Variants in CELF2 observed in about 807,000 individuals in gnomAD.
The protein encoded by CELF2 is CUGBP Elav-like family member 2.
Under a neutral mutation model 62.6 loss-of-function variants are expected in CELF2, and 8 were observed. The observed-to-expected ratio is 0.13, with a 90% CI of 0.07 to 0.23. The LOEUF (loss-of-function observed/expected upper bound fraction) is 0.23, where lower values mean the gene tolerates loss of function less well. Among genes scored for constraint, CELF2 ranks in the 10% least tolerant of loss-of-function variants. The probability of loss-of-function intolerance (pLI) is 1.00; values close to 1 mark genes in which losing one functional copy is unlikely to be tolerated. For missense variants in CELF2, 333 were observed against 671.0 expected (o/e 0.50, Z 5.56); for synonymous variants, 258 against 250.0 (o/e 1.03, Z -0.30).
At chr10:10,619,546 T>C in the CELF2 span, among the ~76,000 whole-genome samples, 1 of 152,180 alleles carries the variant, frequency 6.6e-6, no homozygotes, top group African/African-American at 2.4e-5. Context: ...TGGAGGTCTT[T>C]GGGTAGAGCG....
At chr10:11,124,983 C>A (rs1261596552) in intron 1 of CELF2, among the ~76,000 whole-genome samples, 5 of 152,172 alleles carry the variant, frequency 3.3e-5, no homozygotes, top group Non-Finnish European at 5.9e-5. Context: ...TACAAACAGG[C>A]ATAAGGCAAA....
At chr10:11,063,611 A>G (rs920501131) in intron 1 of CELF2, among the ~76,000 whole-genome samples, 1 of 152,270 alleles carries the variant, frequency 6.6e-6, no homozygotes, top group African/African-American at 2.4e-5. Context: ...TTTAAATGTG[A>G]AATCTAAATA....
chr10:11,160,308 G>A (rs11814222), intron 1 of CELF2, among the ~76,000 whole-genome samples: 8,399 of 152,198 alleles, frequency 0.055, 334 homozygotes, highest in African/African-American at 0.1. Context: ...GAGCCAGGAT[G>A]AGAACTCAGG....
intron 1 of CELF2, among the ~76,000 whole-genome samples, chr10:10,912,217 A>G (rs2063874600): frequency 1.3e-5 from 2 of 152,222 alleles, no homozygotes; most frequent in African/African-American, 4.8e-5. Context: ...GAGGTCTCCC[A>G]GGACCACCCT....
rs2135139500 is a variant in CELF2 at position 10,931,155 on chromosome 10, T to A, written c.89+11156T>A. 1.3e-5 allele frequency among the ~76,000 whole-genome samples: 2 copies of A among 152,364 alleles called. No individual in the cohort carries two copies. Among genetic ancestry groups the A allele is most frequent in the Middle Eastern group, 6.8e-3 (2 of 294 alleles). On this transcript the variant is annotated intron_variant, in intron 2 of 13. Transcript: ENST00000636488. The surrounding 1 kb of genome is among the most constrained non-coding windows in gnomAD (Gnocchi z 6.1). Reference sequence around the variant, plus strand: ...AATGTTTCTATTATGTATTTTCCTTTTCCTTCTTTCTGGCGAATACGCAGT... The same window carrying A: ...AATGTTTCTATTATGTATTTTCCTTATCCTTCTTTCTGGCGAATACGCAGT...
rs2096069830 is a variant in CELF2, at chr10:11,333,659, C to CCTTTTGTTT, written c.*4606_*4607insCTTTTGTTT. ...GAATTGATGTTTGTAGATTAATAATCATTTTGTTTAGAATTACAAAATAGT... is the reference window on the plus strand; with the variant it reads ...GAATTGATGTTTGTAGATTAATAATCCTTTTGTTTATTTTGTTTAGAATTACAAAATAGT... On this transcript the variant is annotated 3_prime_UTR_variant, in exon 13 of 13. Coordinates refer to ENST00000633077, the MANE Select transcript of CELF2 (RefSeq NM_001326342.2). 6.6e-6 allele frequency: 1 copy of CCTTTTGTTT among 152,336 alleles called. No individual in the cohort carries two copies. The highest frequency in any genetic ancestry group is 2.4e-5 in the African/African-American group (1 of 41,384). 9.4% of individuals were successfully genotyped at this position (152,336 alleles called of 1,614,324 possible).
At chr10:11,226,232 G>A (rs1192121298) in intron 3 of CELF2, among the ~76,000 whole-genome samples, 1 of 152,226 alleles carries the variant, frequency 6.6e-6, no homozygotes, top group African/African-American at 2.4e-5. Flanking sequence ...TACTGACAAG[G>A]AAGCTGAAAC....
chr10:11,003,197 A>G (rs551587774), upstream of CELF2, among the ~76,000 whole-genome samples: 68 of 152,316 alleles, frequency 4.5e-4, no homozygotes, highest in African/African-American at 1.5e-3. This position sits in a 1 kb window ranked among gnomAD's most constrained non-coding sequence, Gnocchi z 4.4. Context: ...TCCGTAGACT[A>G]AAAAGGAAGT....
intron 1 of CELF2, among the ~76,000 whole-genome samples, chr10:10,881,302 A>G (rs1326726738): frequency 6.6e-6 from 1 of 152,226 alleles, no homozygotes; most frequent in African/African-American, 2.4e-5. Flanking sequence ...AGCAAGACTT[A>G]CAGTTGCCTT....
At chr10:10,892,249 A>T (rs2062196441) in intron 1 of CELF2, among the ~76,000 whole-genome samples, 1 of 152,150 alleles carries the variant, frequency 6.6e-6, no homozygotes, top group Admixed American at 6.5e-5. Flanking sequence ...TCAGGGTCAC[A>T]ATCAGGTTTA....
chr10:11,015,816 T>C (rs2057175083), upstream of CELF2, among the ~76,000 whole-genome samples: 1 of 152,194 alleles, frequency 6.6e-6, no homozygotes, highest in Admixed American at 6.5e-5. The surrounding 1 kb of genome is among the most constrained non-coding windows in gnomAD (Gnocchi z 4.8). Context: ...AAGGCTTAAG[T>C]CAGTAAGAGG....
the CELF2 span, among the ~76,000 whole-genome samples, chr10:10,726,116 C>T: frequency 1.3e-5 from 2 of 152,172 alleles, no homozygotes; most frequent in South Asian, 4.1e-4. Context: ...TGTCCCTCCT[C>T]ATGGGGACAC....
rs141088735 is a variant in CELF2, at chr10:10,949,432, C to G, written c.89+29433C>G. Among the ~76,000 whole-genome samples, 1,009 of 152,182 alleles carry G rather than the reference C, an allele frequency of 6.6e-3. 8 individuals are homozygous for G. The highest frequency in any genetic ancestry group is 0.011 in the Non-Finnish European group (743 of 67,996). ...CAGTGCCATGGTGGAGGCCATCATGCCGCAGAGGAGGGTGGCAGAAGCTTC... is the reference window on the plus strand; with the variant it reads ...CAGTGCCATGGTGGAGGCCATCATGGCGCAGAGGAGGGTGGCAGAAGCTTC... On this transcript the variant is annotated intron_variant, in intron 2 of 13. Coordinates refer to the CELF2 transcript ENST00000636488.
At chr10:11,169,626 C>T (rs947198539) in intron 2 of CELF2, among the ~76,000 whole-genome samples, 8 of 152,216 alleles carry the variant, frequency 5.3e-5, no homozygotes, top group African/African-American at 1.9e-4. Context: ...GCAAGCCTTC[C>T]TTCCCAGGCT....
chr10:11,232,381 C>T (rs1051480217), intron 3 of CELF2, among the ~76,000 whole-genome samples: 1 of 152,150 alleles, frequency 6.6e-6, no homozygotes, highest in Non-Finnish European at 1.5e-5. Flanking sequence ...TCATCAGTGA[C>T]AACTTTGTCT....
At chr10:10,478,760 C>T in the CELF2 span, among the ~76,000 whole-genome samples, 88,555 of 152,002 alleles carry the variant, frequency 0.58, 25,896 homozygotes, top group Admixed American at 0.65. Context: ...GCCCCAGACA[C>T]TTTTGGAAGC....
the CELF2 span, among the ~76,000 whole-genome samples, chr10:10,609,272 T>G: frequency 5.2e-4 from 79 of 152,306 alleles, no homozygotes; most frequent in African/African-American, 1.9e-3. Flanking sequence ...CAATAAACAT[T>G]CTGCTTTGCT....
intron 9 of CELF2, among the ~76,000 whole-genome samples, chr10:11,313,527 C>G (rs545704506): frequency 6.6e-6 from 1 of 152,318 alleles, no homozygotes; most frequent in African/African-American, 2.4e-5. Flanking sequence ...AAGAAAAGTT[C>G]AGTCATCCTA....
chr10:10,739,412 A>G, the CELF2 span, among the ~76,000 whole-genome samples: 2 of 152,204 alleles, frequency 1.3e-5, no homozygotes, highest in Non-Finnish European at 2.9e-5. Context: ...TGCAACAGAC[A>G]TTATTGCACC....
Sources: allele counts gnomAD v4.1 joint callset (sites outside exome capture counted in the v4.1 genomes callset), GRCh38; gene constraint gnomAD v4.1.1; non-coding constraint Gnocchi (gnomAD v3.1); transcripts MANE v1.5; gene names NCBI Gene and HGNC (gene_info 2026-07-23, HGNC 2026-07-21).